TEX2: variants seen among roughly 807,000 people sequenced by gnomAD.
The protein encoded by TEX2 is testis expressed 2.
TEX2 carries 53 observed loss-of-function variants against 106.9 expected under a neutral mutation model. The ratio of observed to expected loss-of-function variants is 0.50; its 90% CI spans 0.40 to 0.62. The LOEUF is 0.62. Among genes scored for constraint, TEX2 ranks in the 20% least tolerant of loss-of-function variants. The pLI is 0.00. For synonymous variants in TEX2, 523 were observed against 534.8 expected (o/e 0.98, Z 0.30); for missense variants, 1,207 against 1,379.0 (o/e 0.88, Z 1.98).
At chr17:64,244,875 C>G (rs189572129) in intron 1 of TEX2, among the ~76,000 whole-genome samples, 1 of 152,238 alleles carries the variant, frequency 6.6e-6, no homozygotes, top group Admixed American at 6.5e-5. Flanking sequence ...GCTGCTGGAC[C>G]TGTTGTGATC....
intron 1 of TEX2, among the ~76,000 whole-genome samples, chr17:64,216,575 C>T (rs368573953): frequency 1.3e-5 from 2 of 152,204 alleles, no homozygotes; most frequent in South Asian, 2.1e-4. Context: ...TGGAGAGGCC[C>T]GTCTGCAGTT....
rs145370422 is a variant in TEX2 at position 64,170,158 on chromosome 17, C to G, written c.2671+942G>C. 2.9e-3 allele frequency among the ~76,000 whole-genome samples: 437 copies of G among 152,310 alleles called. 2 individuals are homozygous for G. Among genetic ancestry groups the G allele is most frequent in the African/African-American group, 9.6e-3 (401 of 41,558 alleles). On this transcript the variant is annotated intron_variant, in intron 7 of 11. Coordinates refer to ENST00000584379, the MANE Select transcript of TEX2 (RefSeq NM_001288732.2). ...CTCTTTAACCCCCCACCCACAAAAG[C>G]AGACATAAATAATGTCTTAGTAACA... is the stretch of plus-strand genomic sequence containing the variant.
rs1221008396 is a variant in TEX2 at position 64,147,814 on chromosome 17, A to G, written c.*1155T>C. On this transcript the variant is annotated 3_prime_UTR_variant, in exon 12 of 12. Transcript: ENST00000584379. Reference sequence around the variant, plus strand: ...AAACCACTATTAGCTTTGTCCACACATGTAAGTTATCAAAAGTTACCCAAG... The same window carrying G: ...AAACCACTATTAGCTTTGTCCACACGTGTAAGTTATCAAAAGTTACCCAAG... 1.3e-5 allele frequency: 2 copies of G among 152,442 alleles called. No homozygotes were observed. The highest frequency in any genetic ancestry group is 2.4e-5 in the African/African-American group (1 of 41,466). The allele number at this position is 152,442 out of a possible 1,614,324, so 9.4% of individuals were successfully genotyped here. A position where few individuals can be genotyped will look rare whatever the true frequency, so the allele number is the denominator to read the frequency against.
chr17:64,181,073 A>T (rs11659074), intron 5 of TEX2, among the ~76,000 whole-genome samples: 108,389 of 152,078 alleles, frequency 0.71, 38,730 homozygotes, highest in East Asian at 0.83. Context: ...ACACCCATAA[A>T]CCTGCTACTC....
chr17:64,196,040 G>A (rs895041938), intron 2 of TEX2, among the ~76,000 whole-genome samples: 1 of 152,222 alleles, frequency 6.6e-6, no homozygotes, highest in East Asian at 1.9e-4. Flanking sequence ...CTCACTACAT[G>A]GGAGTTGGGA....
chr17:64,236,524 A>C (rs1393595353), intron 1 of TEX2, among the ~76,000 whole-genome samples: 1 of 152,212 alleles, frequency 6.6e-6, no homozygotes, highest in Non-Finnish European at 1.5e-5. Context: ...GCGACAGAGT[A>C]AGACCCTGTC....
intron 1 of TEX2, among the ~76,000 whole-genome samples, chr17:64,241,992 A>C (rs2033897655): frequency 6.6e-6 from 1 of 152,174 alleles, no homozygotes; most frequent in South Asian, 2.1e-4. Context: ...TTTTTGCCCC[A>C]CAAGAAAAAT....
rs1478120189 is a variant in TEX2 at position 64,236,549 on chromosome 17, A to G, written c.-25-22307T>C. ...AAGACCCTGTCTCAAAAAATTAATT[A>G]ATTTAAAAATAAAGTATATGGGAGG... On this transcript the variant is annotated intron_variant, in intron 1 of 11. Transcript: ENST00000584379. Among the ~76,000 whole-genome samples the G allele has an allele frequency of 2.6e-5, 4 of 152,190 alleles. No individual in the cohort carries two copies. The East Asian group carries it at 5.8e-4, about 22-fold the overall frequency.
chr17:64,248,627 G>A (rs1376398819), intron 1 of TEX2, among the ~76,000 whole-genome samples: 1 of 152,172 alleles, frequency 6.6e-6, no homozygotes, highest in East Asian at 1.9e-4. Context: ...GTGATTAGAC[G>A]AGGGTTCCCA....
chr17:64,228,465 A>G (rs1002043154), intron 1 of TEX2, among the ~76,000 whole-genome samples: 27 of 152,206 alleles, frequency 1.8e-4, no homozygotes, highest in Admixed American at 4.6e-4. Flanking sequence ...GCTGGGAGAC[A>G]GTGACAGATC....
At chr17:64,174,571 A>G (rs1443623432) in intron 6 of TEX2, among the ~76,000 whole-genome samples, 1 of 152,042 alleles carries the variant, frequency 6.6e-6, no homozygotes, top group Non-Finnish European at 1.5e-5. Context: ...TCGACAATAA[A>G]CTGTTTTCTT....
At chr17:64,239,875 C>CAAAAAAAAAAAA (rs61705973) in intron 1 of TEX2, among the ~76,000 whole-genome samples, 3 of 29,646 alleles carry the variant, frequency 1.0e-4, no homozygotes, top group Admixed American at 5.9e-4. Context: ...GACTCTGTCT[C>CAAAAAAAAAAAA]AAAAAAAAAA....
In TEX2 at chr17:64,188,330, C is replaced by T; in HGVS notation, c.2262G>A (p.Glu754=). The T allele has an allele frequency of 6.2e-7, 1 of 1,614,196 alleles. No homozygotes were observed. The highest frequency in any genetic ancestry group is 1.3e-5 in the African/African-American group (1 of 75,038). ...SRSSSKGSVE[E]IMSQPKQKEL... ...CCTTCTGCTTTGGCTGTGACATGAT[C>T]TCCTCCACACTGCCTTTGCTGCTGC... The change falls in exon 5 of 12, where the codon GAG becomes GAA. Residue 754 remains glutamate (E), a synonymous_variant. Coordinates refer to ENST00000584379, the MANE Select transcript of TEX2 (RefSeq NM_001288732.2).
rs142562722 is a variant in TEX2, at chr17:64,214,198, C to T, written c.20G>A (p.Arg7His). The change falls in exon 2 of 12, where the codon CGC becomes CAC. Residue 7 changes from arginine (R) to histidine (H), a missense_variant. Coordinates refer to ENST00000584379, the MANE Select transcript of TEX2 (RefSeq NM_001288732.2). MTSLYGRHAEKTTDMPK... is the reference protein window; with the variant it reads MTSLYGHHAEKTTDMPK... Reference sequence around the variant, plus strand: ...CATGTCAGTGGTTTTCTCGGCATGGCGACCATACAGACTTGTCATTGCCGG... The same window carrying T: ...CATGTCAGTGGTTTTCTCGGCATGGTGACCATACAGACTTGTCATTGCCGG... 332 of 1,613,434 alleles carry T rather than the reference C, an allele frequency of 2.1e-4. No individual in the cohort carries two copies. The highest frequency in any genetic ancestry group is 1.3e-3 in the Middle Eastern group (8 of 6,082).
chr17:64,228,949 C>T (rs1005977358), intron 1 of TEX2, among the ~76,000 whole-genome samples: 1 of 151,524 alleles, frequency 6.6e-6, no homozygotes, highest in African/African-American at 2.4e-5. Context: ...CACACACACA[C>T]ACACACACAC....
intron 9 of TEX2, among the ~76,000 whole-genome samples, chr17:64,154,100 G>C (rs1300528157): frequency 6.6e-6 from 1 of 152,130 alleles, no homozygotes; most frequent in East Asian, 1.9e-4. Context: ...TGTGTTCAGG[G>C]AAAAGCAATC....
At chr17:64,193,020 AGG>A (rs2032350061) in intron 4 of TEX2, among the ~76,000 whole-genome samples, 2 of 152,322 alleles carry the variant, frequency 1.3e-5, no homozygotes, top group Admixed American at 1.3e-4. Flanking sequence ...CCTGAAGGAC[AGG>A]GGAGCTACTG....
intron 7 of TEX2, among the ~76,000 whole-genome samples, chr17:64,170,886 T>C (rs1345511481): frequency 6.6e-6 from 1 of 152,070 alleles, no homozygotes; most frequent in East Asian, 1.9e-4. Context: ...CCGCCTGCCT[T>C]GGCCTCCCAA....
intron 1 of TEX2, among the ~76,000 whole-genome samples, chr17:64,218,882 T>C (rs2033270100): frequency 1.3e-5 from 2 of 152,078 alleles, no homozygotes; most frequent in Admixed American, 1.3e-4. Flanking sequence ...ACTGGAGGCC[T>C]AGGTTTGCCT....
Sources: allele counts gnomAD v4.1 joint callset (sites outside exome capture counted in the v4.1 genomes callset), GRCh38; gene constraint gnomAD v4.1.1; transcripts MANE v1.5; gene names NCBI Gene and HGNC (gene_info 2026-07-23, HGNC 2026-07-21).